The following SNX29 variants were observed in gnomAD, a reference collection of about 807,000 sequenced individuals.
SNX29 encodes the protein sorting nexin-29.
Under a neutral mutation model 102.1 loss-of-function variants are expected in SNX29, and 78 were observed. That is an observed-to-expected ratio of 0.76 (90% CI 0.64 to 0.92). The LOEUF is 0.92. Among genes scored for constraint, SNX29 ranks in the 40% least tolerant of loss-of-function variants. The pLI, the probability that SNX29 is intolerant of heterozygous loss-of-function variation, is 0.00. For missense variants in SNX29, 1,280 were observed against 1,061.7 expected, an observed-to-expected ratio of 1.21 and a Z score of -2.86; for synonymous variants, 580 against 414.5, an observed-to-expected ratio of 1.40 and a Z score of -4.85.
chr16:12,273,335 GTTTTTTGT>G (rs1394276677), intron 14 of SNX29, among the ~76,000 whole-genome samples: 82 of 91,112 alleles, frequency 9.0e-4, no homozygotes, highest in African/African-American at 3.9e-3. Flanking sequence ...GTGGTTTTTT[GTTTTTTGT>G]TTTTTTTTTT....
chr16:12,203,732 C>T (rs888851544), intron 14 of SNX29, among the ~76,000 whole-genome samples: 1 of 152,220 alleles, frequency 6.6e-6, no homozygotes, highest in African/African-American at 2.4e-5. Flanking sequence ...GTGGGCTTCT[C>T]TTGGACTCTT....
At chr16:12,353,166 C>G (rs1038597754) in intron 15 of SNX29, among the ~76,000 whole-genome samples, 2 of 152,156 alleles carry the variant, frequency 1.3e-5, no homozygotes, top group Non-Finnish European at 2.9e-5. Context: ...TTTCTCCTCC[C>G]TAAGATCCTA....
intron 14 of SNX29, among the ~76,000 whole-genome samples, chr16:12,256,939 A>G (rs1446606862): frequency 6.6e-6 from 1 of 152,114 alleles, no homozygotes. Flanking sequence ...TCCCCACTGT[A>G]TTAGTTTTCT....
Position 12,136,180 on chromosome 16 carries a change from T to C in SNX29, c.1595+6422T>C, listed in dbSNP as rs148123246. Among the ~76,000 whole-genome samples, 11 of 152,374 alleles carry C rather than the reference T, an allele frequency of 7.2e-5. No individual in the cohort carries two copies. In the East Asian group the frequency reaches 2.1e-3, roughly 29 times the overall value. ...CAGTGGTATGGCCGGGGCCATTCTCTTCATGCTTCTGAGCCTCTCTGGTTC... is the reference window on the plus strand; with the variant it reads ...CAGTGGTATGGCCGGGGCCATTCTCCTCATGCTTCTGAGCCTCTCTGGTTC... On this transcript the variant is annotated intron_variant, in intron 13 of 20. Transcript: ENST00000566228.
intron 20 of SNX29, among the ~76,000 whole-genome samples, chr16:12,534,074 C>T (rs1293320052): frequency 2.6e-5 from 4 of 152,206 alleles, no homozygotes; most frequent in Non-Finnish European, 5.9e-5. Context: ...GTGAGGGCAG[C>T]AGGGGATCCC....
intron 10 of SNX29, 146 bp downstream of exon 10, chr16:12,069,278 T>G: frequency 1.4e-6 from 1 of 690,196 alleles, no homozygotes; most frequent in South Asian, 2.5e-5. Context: ...TTTAGTCTTT[T>G]TTTTTGAGAT....
intron 16 of SNX29, among the ~76,000 whole-genome samples, chr16:12,390,189 T>C (rs1326263604): frequency 6.6e-6 from 1 of 151,912 alleles, no homozygotes; most frequent in African/African-American, 2.4e-5. Context: ...TGTATGTATA[T>C]GTATATGTGT....
intron 13 of SNX29, among the ~76,000 whole-genome samples, chr16:12,145,061 G>A (rs73519837): frequency 0.03 from 4,572 of 152,178 alleles, 237 homozygotes; most frequent in African/African-American, 0.11. Context: ...AGCTTTCAAC[G>A]TGCGCCCACT....
At chr16:12,221,030 A>T (rs1397465797) in intron 14 of SNX29, among the ~76,000 whole-genome samples, 4 of 152,116 alleles carry the variant, frequency 2.6e-5, no homozygotes, top group African/African-American at 9.7e-5. Context: ...CCCTCTCTTC[A>T]TTGGCAGGGG....
intron 15 of SNX29, among the ~76,000 whole-genome samples, chr16:12,280,511 C>T (rs1419062244): frequency 1.3e-5 from 2 of 151,668 alleles, no homozygotes; most frequent in East Asian, 1.9e-4. Context: ...CTCAAGCTTC[C>T]TTTCTTTTCC....
At chr16:12,226,331 AT>A (rs1307088131) in intron 14 of SNX29, among the ~76,000 whole-genome samples, 1 of 152,164 alleles carries the variant, frequency 6.6e-6, no homozygotes, top group South Asian at 2.1e-4. Flanking sequence ...TGTTCTTATG[AT>A]TTTTTAATGA....
At chr16:12,493,949 G>A (rs187483383) in intron 19 of SNX29, among the ~76,000 whole-genome samples, 29 of 152,238 alleles carry the variant, frequency 1.9e-4, no homozygotes, top group African/African-American at 6.7e-4. Flanking sequence ...TGATCTGCTC[G>A]TGATTTTTAG....
At chr16:12,535,423 C>T (rs903355812) in intron 20 of SNX29, among the ~76,000 whole-genome samples, 32 of 152,336 alleles carry the variant, frequency 2.1e-4, no homozygotes, top group African/African-American at 6.5e-4. Flanking sequence ...TGAGCCACTG[C>T]GCCTGGCCAG....
chr16:12,260,517 T>C (rs575358600), intron 14 of SNX29, among the ~76,000 whole-genome samples: 6 of 152,228 alleles, frequency 3.9e-5, no homozygotes, highest in Non-Finnish European at 8.8e-5. Flanking sequence ...CCCAGCCCCT[T>C]GCAGATGATT....
chr16:12,110,299 C>T (rs1353914553), intron 11 of SNX29, among the ~76,000 whole-genome samples: 1 of 152,140 alleles, frequency 6.6e-6, no homozygotes, highest in Non-Finnish European at 1.5e-5. Context: ...AGCCCTTCCT[C>T]CCATGTGTCT....
intron 19 of SNX29, among the ~76,000 whole-genome samples, chr16:12,510,949 C>T (rs138212067): frequency 3.9e-4 from 59 of 152,024 alleles, no homozygotes; most frequent in Admixed American, 3.9e-4. Context: ...CTGCCATATC[C>T]AGCCCTTCTT....
chr16:12,146,243 T>C (rs112150285), intron 13 of SNX29, among the ~76,000 whole-genome samples: 263 of 152,226 alleles, frequency 1.7e-3, no homozygotes, highest in African/African-American at 5.8e-3. Flanking sequence ...CCAAGTGGGA[T>C]CTCAGGGCAA....
rs116430825 is a variant in SNX29 at position 12,569,226 on chromosome 16, C to T, written c.*597C>T. ...AGCTCACTTTTCCAGAGGGATATTCCTGTGGCTTTGGCAAGGAGCCATTAG... is the reference window on the plus strand; with the variant it reads ...AGCTCACTTTTCCAGAGGGATATTCTTGTGGCTTTGGCAAGGAGCCATTAG... On this transcript the variant is annotated 3_prime_UTR_variant, in exon 21 of 21. Coordinates refer to ENST00000566228, the MANE Select transcript of SNX29 (RefSeq NM_032167.5). 4.9e-3 allele frequency: 1,090 copies of T among 222,652 alleles called. 13 individuals are homozygous for T. Among genetic ancestry groups the T allele is most frequent in the African/African-American group, 0.02 (884 of 44,700 alleles). The allele number at this position is 222,652 out of a possible 1,614,324, so 13.8% of individuals were successfully genotyped here.
At chr16:12,528,980 ACT>A (rs1196250612) in intron 20 of SNX29, among the ~76,000 whole-genome samples, 3 of 152,066 alleles carry the variant, frequency 2.0e-5, no homozygotes, top group Non-Finnish European at 4.4e-5. Flanking sequence ...TTTCACACAC[ACT>A]CTTCCATTTT....
Sources: allele counts gnomAD v4.1 joint callset (sites outside exome capture counted in the v4.1 genomes callset), GRCh38; gene constraint gnomAD v4.1.1; transcripts MANE v1.5; gene names NCBI Gene and HGNC (gene_info 2026-07-23, HGNC 2026-07-21).